The following LAMC3 variants were observed in gnomAD, a reference collection of about 807,000 sequenced individuals.
LAMC3 encodes the protein laminin subunit gamma-3.
A neutral mutation model predicts 173.8 loss-of-function variants in LAMC3; 128 were observed. The ratio of observed to expected loss-of-function variants is 0.74; its 90% CI spans 0.64 to 0.85. LAMC3 has a LOEUF of 0.85. LAMC3 is among the 40% of genes least tolerant of loss of function. LAMC3 has a pLI of 0.00. For synonymous variants in LAMC3, 897 were observed against 909.1 expected, an observed-to-expected ratio of 0.99 and a Z score of 0.24; for missense variants, 2,022 against 2,156.0, an observed-to-expected ratio of 0.94 and a Z score of 1.23.
chr9:131,079,474 C>T (rs1830197228), intron 23 of LAMC3, among the ~76,000 whole-genome samples, 176 bp downstream of exon 23: 1 of 152,110 alleles, frequency 6.6e-6, no homozygotes, highest in Admixed American at 6.5e-5. Flanking sequence ...ACGGGTGGAT[C>T]ACGAGGTCAG....
rs2133358806 is a variant in LAMC3, at chr9:131,091,925, A to ACT, written c.*140_*141dup. On this transcript the variant is annotated 3_prime_UTR_variant, in exon 28 of 28. Transcript: ENST00000361069. The stretch of plus-strand genomic sequence containing the variant: ...TGAACTCGCCCCCGTGTGGATAGTC[A>ACT]CTCCCTGCCGATTCTGTCTGTGGCT... 1 of 1,024,508 alleles carries ACT rather than the reference A, an allele frequency of 9.8e-7. No individual in the cohort carries two copies. The highest frequency in any genetic ancestry group is 1.4e-6 in the Non-Finnish European group (1 of 705,314). 63.5% of individuals were successfully genotyped at this position (1,024,508 alleles called of 1,614,324 possible).
In LAMC3 at chr9:131,087,549, C is replaced by T. The variant is rs767388695; in HGVS notation, c.4304C>T (p.Ala1435Val). The change falls in exon 26 of 28, where the codon GCC becomes GTC. Residue 1435 changes from alanine to valine, a missense_variant. Physicochemically the swap from Ala to Val is moderately conservative, Grantham distance 64. Transcript: ENST00000361069. Reference protein sequence around the residue: ...RASRLTSQTQATLQQASQQVL... With the variant: ...RASRLTSQTQVTLQQASQQVL... ...AGCAGGCTCACCAGCCAGACGCAAG[C>T]CACGCTCCAACAGGCGTCCCAGCAG... 1.2e-6 allele frequency: 2 copies of T among 1,613,922 alleles called. No individual in the cohort carries two copies. The highest frequency in any genetic ancestry group is 1.7e-6 in the Non-Finnish European group (2 of 1,180,004).
intron 24 of LAMC3, among the ~76,000 whole-genome samples, chr9:131,082,761 T>C (rs7873372): frequency 0.17 from 26,553 of 152,196 alleles, 3,830 homozygotes; most frequent in African/African-American, 0.4. Context: ...TCACCCTTTG[T>C]TTGTGGCTCC....
At chr9:131,017,190 C>T (rs1237271870) in intron 1 of LAMC3, among the ~76,000 whole-genome samples, 3 of 152,128 alleles carry the variant, frequency 2.0e-5, no homozygotes, top group Non-Finnish European at 4.4e-5. Context: ...CTGCGGGTCA[C>T]CGGCGCAGAC....
Position 131,071,654 on chromosome 9 carries a change from G to A in LAMC3, c.3211+29G>A, listed in dbSNP as rs1468443130. The A allele has an allele frequency of 2.0e-6, 3 of 1,514,846 alleles. No individual in the cohort carries two copies. In the African/African-American group the frequency reaches 4.1e-5, roughly 21 times the overall value. 93.8% of individuals were successfully genotyped at this position (1,514,846 alleles called of 1,614,324 possible). ...CAGCAGGAGCGCAGAGCGGGAGGGT[G>A]GGAGGCAAGGGGAGGCCCCCAGCGC... On this transcript the variant is annotated intron_variant, in intron 18 of 27. Transcript: ENST00000361069.
At chr9:131,089,017 G>A (rs1463436280) in intron 27 of LAMC3, among the ~76,000 whole-genome samples, 4 of 152,070 alleles carry the variant, frequency 2.6e-5, no homozygotes, top group South Asian at 2.1e-4. Context: ...CCTGGGAGGC[G>A]GAGGTTGCAG....
Position 131,067,105 on chromosome 9 carries a change from C to T in LAMC3, c.2493C>T (p.Cys831=), listed in dbSNP as rs1829951584. The T allele has an allele frequency of 6.2e-7, 1 of 1,614,136 alleles. No homozygotes were observed. Among genetic ancestry groups the T allele is most frequent in the Non-Finnish European group, 8.5e-7 (1 of 1,180,012 alleles). Residue 831 remains cysteine (C), a synonymous_variant, in exon 14 of 28, where the codon TGC becomes TGT. Transcript: ENST00000361069. ...VGNCDPLSGH[C]LRCLHNTTGD... Reference sequence around the variant, plus strand: ...ACTGTGACCCCCTGTCTGGCCACTGCCTGCGCTGCCTGCACAACACCACGG... The same window carrying T: ...ACTGTGACCCCCTGTCTGGCCACTGTCTGCGCTGCCTGCACAACACCACGG...
At position 131,092,090 on chromosome 9, in the gene LAMC3, A is replaced by C; in HGVS notation, c.*303A>C. 1 of 466,440 alleles carries C rather than the reference A, an allele frequency of 2.1e-6. No individual in the cohort carries two copies. Among genetic ancestry groups the C allele is most frequent in the Non-Finnish European group, 4.0e-6 (1 of 251,906 alleles). 28.9% of individuals were successfully genotyped at this position (466,440 alleles called of 1,614,324 possible). On this transcript the variant is annotated 3_prime_UTR_variant, in exon 28 of 28. Coordinates refer to ENST00000361069, the MANE Select transcript of LAMC3 (RefSeq NM_006059.4). ...GTGAGGGTGCATGTCTGTGTGTATG[A>C]CCCACACGTGTTCAAGTCTAATCCA...
Position 131,068,232 on chromosome 9 carries a change from G to A in LAMC3, c.2747+1G>A, listed in dbSNP as rs1829976204. ...TCCAGCCTGGGAGGGGCTGCCGGAG[G>A]TAGGTAGGGTGAGACTGCCGGTGCC... On this transcript the variant is annotated splice_donor_variant, in intron 15 of 27. Transcript: ENST00000361069. LOFTEE classifies it high-confidence loss of function. The A allele has an allele frequency of 1.2e-6, 2 of 1,608,692 alleles. No homozygotes were observed. Among genetic ancestry groups the A allele is most frequent in the Non-Finnish European group, 1.7e-6 (2 of 1,177,620 alleles).
At chr9:131,064,982 G>A (rs1336972111) in intron 13 of LAMC3, among the ~76,000 whole-genome samples, 6 of 148,978 alleles carry the variant, frequency 4.0e-5, no homozygotes, top group African/African-American at 1.2e-4. Context: ...TGGGGCTTGC[G>A]GTGAGCCGAG....
At position 131,036,279 on chromosome 9, in the gene LAMC3, T is replaced by C. The variant is rs1833942239; in HGVS notation, c.923T>C (p.Phe308Ser). 6.2e-7 allele frequency: 1 copy of C among 1,613,118 alleles called. No homozygotes were observed. The highest frequency in any genetic ancestry group is 8.5e-7 in the Non-Finnish European group (1 of 1,179,902). Residue 308 changes from phenylalanine to serine, a missense_variant, in exon 4 of 28, where the codon TTC (phenylalanine) becomes TCC (serine). By Grantham distance (155) the Phe-to-Ser change is radical. Transcript: ENST00000361069. ...GACTGTGAGCGCTGCCTGCCCTTCT[T>C]CCAGGACCGCCCGTGGGCCCGGGGC... Reference protein sequence around the residue: ...GTDCERCLPFFQDRPWARGTA... With the variant: ...GTDCERCLPFSQDRPWARGTA...
At position 131,069,732 on chromosome 9, in the gene LAMC3, T is replaced by C. The variant is rs759112132; in HGVS notation, c.2951T>C (p.Val984Ala). Residue 984 changes from valine (V) to alanine (A), a missense_variant, in exon 17 of 28, where the codon GTG (valine) becomes GCG (alanine). Physicochemically the swap from Val to Ala is moderately conservative, Grantham distance 64. Coordinates refer to ENST00000361069, the MANE Select transcript of LAMC3 (RefSeq NM_006059.4). ...SAQCHENGTC[V>A]CRPGFEGYKC... ...CAGTGCCACGAGAACGGCACATGCGTGTGCAGGCCTGGCTTCGAGGGCTAC... is the reference window on the plus strand; with the variant it reads ...CAGTGCCACGAGAACGGCACATGCGCGTGCAGGCCTGGCTTCGAGGGCTAC... 6.2e-7 allele frequency: 1 copy of C among 1,602,228 alleles called. No individual in the cohort carries two copies. Among genetic ancestry groups the C allele is most frequent in the South Asian group, 1.1e-5 (1 of 88,940 alleles).
chr9:131,046,872 GAC>G (rs199802901), intron 8 of LAMC3, among the ~76,000 whole-genome samples: 2,406 of 140,430 alleles, frequency 0.017, 40 homozygotes, highest in Non-Finnish European at 0.025. Context: ...CCTCAGGGCC[GAC>G]GCTGGGGCGG....
chr9:131,009,205 G>T lies in LAMC3; in HGVS notation c.-10G>T. ...GGCCGGCAGAGCGCGCGGCGTCGGT[G>T]CCCTTGACCATGGCGGCGGCTGCGC... On this transcript the variant is annotated 5_prime_UTR_variant, in exon 1 of 28. Transcript: ENST00000361069. The surrounding 1 kb of genome is among the most constrained non-coding windows in gnomAD (Gnocchi z 4.3). The T allele has an allele frequency of 1.7e-6, 2 of 1,211,662 alleles. No individual in the cohort carries two copies. The highest frequency in any genetic ancestry group is 2.0e-6 in the Non-Finnish European group (2 of 977,770). 75.1% of individuals were successfully genotyped at this position (1,211,662 alleles called of 1,614,324 possible).
chr9:131,043,982 G>T (rs995344486), intron 7 of LAMC3, among the ~76,000 whole-genome samples: 1 of 142,106 alleles, frequency 7.0e-6, no homozygotes, highest in Non-Finnish European at 1.5e-5. Flanking sequence ...TTTTTGAGAC[G>T]GAGTTTCGCT....
chr9:131,034,994 A>G (rs948271350), intron 3 of LAMC3, among the ~76,000 whole-genome samples: 1 of 152,074 alleles, frequency 6.6e-6, no homozygotes, highest in Non-Finnish European at 1.5e-5. Context: ...CTCGTTGCCC[A>G]GGCTGGAGTG....
chr9:131,089,677 C>T (rs990468255), intron 27 of LAMC3, among the ~76,000 whole-genome samples: 4 of 152,150 alleles, frequency 2.6e-5, no homozygotes, highest in African/African-American at 7.2e-5. Context: ...CGTGAGCCAC[C>T]ATGCCCGGCC....
chr9:131,075,828 C>T lies in LAMC3; in HGVS notation c.3495-3C>T, dbSNP rs769127569. On this transcript the variant is annotated splice_region_variant and splice_polypyrimidine_tract_variant and intron_variant, in intron 20 of 27. Coordinates refer to ENST00000361069, the MANE Select transcript of LAMC3 (RefSeq NM_006059.4). ...TAATGCTCAGGTGGGTGTCCTCACA[C>T]AGCCACAGAGACACCGCCACCAAGA... 2.0e-5 allele frequency: 32 copies of T among 1,610,088 alleles called. No individual in the cohort carries two copies. In the South Asian group the frequency reaches 3.5e-4, roughly 18 times the overall value.
Position 131,061,201 on chromosome 9 carries a change from C to A in LAMC3, c.2325C>A (p.Thr775=). The change falls in exon 13 of 28, where the codon ACC becomes ACA. Residue 775 remains threonine (T), a synonymous_variant. Transcript: ENST00000361069. The part of the protein sequence containing the change: ...TIPESREVVC[T]HCPPGQRGRR... Reference sequence around the variant, plus strand: ...CAGAGAGCCGGGAGGTGGTGTGTACCCACTGCCCCCCGGGCCAGAGAGGTA... The same window carrying A: ...CAGAGAGCCGGGAGGTGGTGTGTACACACTGCCCCCCGGGCCAGAGAGGTA... 10 of 1,608,716 alleles carry A rather than the reference C, an allele frequency of 6.2e-6. No homozygotes were observed. Among genetic ancestry groups the A allele is most frequent in the Non-Finnish European group, 8.5e-6 (10 of 1,179,720 alleles).
Sources: allele counts gnomAD v4.1 joint callset (sites outside exome capture counted in the v4.1 genomes callset), GRCh38; gene constraint gnomAD v4.1.1; non-coding constraint Gnocchi (gnomAD v3.1); transcripts MANE v1.5; gene names NCBI Gene and HGNC (gene_info 2026-07-23, HGNC 2026-07-21).